PTPN14: variants seen among roughly 807,000 people sequenced by gnomAD.
The protein encoded by PTPN14 is tyrosine-protein phosphatase non-receptor type 14.
Under a neutral mutation model 126.8 loss-of-function variants are expected in PTPN14, and 53 were observed. The ratio of observed to expected loss-of-function variants is 0.42; its 90% CI spans 0.34 to 0.53. The LOEUF (loss-of-function observed/expected upper bound fraction) is 0.53. Ranked by LOEUF, PTPN14 falls within the 20% of genes least tolerant of loss-of-function variation. The pLI is 0.08. For synonymous variants in PTPN14, 630 were observed against 599.3 expected (o/e 1.05, Z -0.75); for missense variants, 1,257 against 1,552.9 (o/e 0.81, Z 3.20).
At chr1:214,377,471 T>G (rs889358201) in intron 14 of PTPN14, among the ~76,000 whole-genome samples, 3 of 152,100 alleles carry the variant, frequency 2.0e-5, no homozygotes, top group Admixed American at 6.6e-5. Context: ...AACAAACCCC[T>G]GTGACATGTG....
chr1:214,507,128 C>T (rs1353237694), intron 1 of PTPN14, among the ~76,000 whole-genome samples: 4 of 152,266 alleles, frequency 2.6e-5, no homozygotes, highest in Middle Eastern at 3.4e-3. Flanking sequence ...AAAAACTTCA[C>T]AGTTCCACAT....
At chr1:214,486,463 AAAGT>A (rs1303883154) in intron 1 of PTPN14, among the ~76,000 whole-genome samples, 4 of 152,248 alleles carry the variant, frequency 2.6e-5, no homozygotes, top group African/African-American at 9.6e-5. Flanking sequence ...GGGATACAGC[AAAGT>A]AAGTCTCTCC....
chr1:214,510,913 T>A (rs1654956927), intron 1 of PTPN14, among the ~76,000 whole-genome samples: 1 of 152,156 alleles, frequency 6.6e-6, no homozygotes, highest in Non-Finnish European at 1.5e-5. Context: ...GGTCTTGCTC[T>A]GTCACCTAGG....
At chr1:214,507,113 GA>G (rs113561153) in intron 1 of PTPN14, among the ~76,000 whole-genome samples, 4 of 149,858 alleles carry the variant, frequency 2.7e-5, no homozygotes, top group Non-Finnish European at 3.0e-5. Context: ...ATTTGCAAAA[GA>G]AAAAAAAACT....
chr1:214,540,816 G>A (rs1655816748), intron 1 of PTPN14, among the ~76,000 whole-genome samples: 1 of 152,160 alleles, frequency 6.6e-6, no homozygotes, highest in Non-Finnish European at 1.5e-5. Flanking sequence ...TCATGGGTTA[G>A]AGCTAGGAAA....
At chr1:214,421,899 T>C (rs1659552506) in intron 3 of PTPN14, among the ~76,000 whole-genome samples, 1 of 152,044 alleles carries the variant, frequency 6.6e-6, no homozygotes, top group African/African-American at 2.4e-5. Flanking sequence ...TCCCAAACCC[T>C]CTCAACAAGT....
intron 1 of PTPN14, among the ~76,000 whole-genome samples, chr1:214,469,162 T>C (rs1572019812): frequency 2.0e-5 from 3 of 152,194 alleles, no homozygotes; most frequent in South Asian, 4.1e-4. Context: ...CACTAATCTA[T>C]AACAATAGGA....
intron 13 of PTPN14, among the ~76,000 whole-genome samples, chr1:214,381,937 C>T (rs1571961811): frequency 1.3e-5 from 2 of 152,072 alleles, no homozygotes; most frequent in Admixed American, 1.3e-4. Context: ...CGGGGTCTTG[C>T]TCTGTCATCC....
chr1:214,440,748 G>A lies in PTPN14; in HGVS notation c.344+11057C>T, dbSNP rs186278804. Among the ~76,000 whole-genome samples, 11 of 152,294 alleles carry A rather than the reference G, an allele frequency of 7.2e-5. No homozygotes were observed. In the East Asian group the frequency reaches 1.7e-3, roughly 24 times the overall value. ...AAGTTATACAGAAAGTGCAAGTATC[G>A]GCAGTCAGGACCTAAATACCTACAA... On this transcript the variant is annotated intron_variant, in intron 3 of 18. Coordinates refer to ENST00000366956, the MANE Select transcript of PTPN14 (RefSeq NM_005401.5).
Position 214,486,967 on chromosome 1 carries a change from G to A in PTPN14, c.-154-22010C>T, listed in dbSNP as rs146087604. ...TTCAGCTATTCACATTAATTTATGC[G>A]CTTTGATCAGATCCCCAAAGCATCT... On this transcript the variant is annotated intron_variant, in intron 1 of 18. Transcript: ENST00000366956. Among the ~76,000 whole-genome samples, 96 of 151,986 alleles carry A rather than the reference G, an allele frequency of 6.3e-4. No individual in the cohort carries two copies. In the East Asian group the frequency reaches 0.013, roughly 21 times the overall value.
chr1:214,506,870 T>C (rs1234121544), intron 1 of PTPN14, among the ~76,000 whole-genome samples: 1 of 151,020 alleles, frequency 6.6e-6, no homozygotes. Flanking sequence ...CGGTGGCATG[T>C]GCAGCATAAC....
chr1:214,365,607 T>C (rs767632493), intron 17 of PTPN14, among the ~76,000 whole-genome samples: 1 of 152,126 alleles, frequency 6.6e-6, no homozygotes, highest in African/African-American at 2.4e-5. Context: ...ATAGGGGAAA[T>C]GTTTACATTG....
chr1:214,410,349 C>T (rs1166770157), intron 5 of PTPN14, among the ~76,000 whole-genome samples: 1 of 148,366 alleles, frequency 6.7e-6, no homozygotes, highest in Non-Finnish European at 1.5e-5. Context: ...GGCTGGAGTG[C>T]AGTGGCACAA....
intron 5 of PTPN14, among the ~76,000 whole-genome samples, chr1:214,410,240 C>T (rs113612709): frequency 2.0e-4 from 30 of 151,798 alleles, no homozygotes; most frequent in African/African-American, 7.2e-4. Flanking sequence ...GTAGCTTTTC[C>T]CCCATGTTTT....
At chr1:214,419,405 C>T (rs1166217123) in intron 3 of PTPN14, among the ~76,000 whole-genome samples, 2 of 152,136 alleles carry the variant, frequency 1.3e-5, no homozygotes, top group African/African-American at 2.4e-5. Flanking sequence ...TCCTTAAATT[C>T]CTCACTTTTT....
Position 214,449,707 on chromosome 1 carries a change from T to C in PTPN14, c.344+2098A>G, listed in dbSNP as rs143051472. ...TCAACTTGAAAACAGGGAGCAATGG[T>C]ATGCAACAGAGTGCTTTAAATGTCT... On this transcript the variant is annotated intron_variant, in intron 3 of 18. Coordinates refer to ENST00000366956, the MANE Select transcript of PTPN14 (RefSeq NM_005401.5). Among the ~76,000 whole-genome samples the C allele has an allele frequency of 4.2e-3, 633 of 152,306 alleles. 2 individuals are homozygous for C. Among genetic ancestry groups the C allele is most frequent in the African/African-American group, 0.015 (617 of 41,564 alleles).
At chr1:214,474,503 A>G (rs1660827536) in intron 1 of PTPN14, among the ~76,000 whole-genome samples, 1 of 152,226 alleles carries the variant, frequency 6.6e-6, no homozygotes, top group Middle Eastern at 3.2e-3. Flanking sequence ...CACGTAAATG[A>G]TTAACATACA....
intron 11 of PTPN14, among the ~76,000 whole-genome samples, chr1:214,388,199 C>T (rs1455185353): frequency 6.6e-6 from 1 of 152,114 alleles, no homozygotes; most frequent in East Asian, 1.9e-4. Flanking sequence ...TAGAGCAAGC[C>T]ATTTAACCTC....
At position 214,384,217 on chromosome 1, in the gene PTPN14, C is replaced by G; in HGVS notation, c.1638G>C (p.Gln546His). 6.2e-7 allele frequency: 1 copy of G among 1,613,058 alleles called. No homozygotes were observed. Among genetic ancestry groups the G allele is most frequent in the East Asian group, 2.2e-5 (1 of 44,870 alleles). Residue 546 changes from glutamine (Q) to histidine (H), a missense_variant, in exon 13 of 19, where the codon CAG (glutamine) becomes CAC (histidine). Coordinates refer to ENST00000366956, the MANE Select transcript of PTPN14 (RefSeq NM_005401.5). The surrounding 1 kb of genome is among the most constrained non-coding windows in gnomAD (Gnocchi z 5.3). ...TGCTGTAGTTATGGCTGCCCTGCAG[C>G]TGCATGTTGGCCAGCTCTGGGGTGC... The part of the protein sequence containing the change: ...TVSTPELANM[Q>H]LQGSHNYSTA...
Sources: gnomAD v4.1 joint callset for allele counts (sites outside exome capture counted in the v4.1 genomes callset) on GRCh38, gnomAD v4.1.1 for gene constraint, Gnocchi (gnomAD v3.1) non-coding constraint, MANE v1.5 for transcripts, NCBI Gene and HGNC (gene_info 2026-07-23, HGNC 2026-07-21) for gene names.